Variants in ADGRD1 observed in about 807,000 individuals in gnomAD.
ADGRD1 encodes the protein G-protein coupled receptor 133.
A neutral mutation model predicts 113.4 loss-of-function variants in ADGRD1; 77 were observed. That is an observed-to-expected ratio of 0.68 (90% confidence interval 0.57 to 0.82). The LOEUF (loss-of-function observed/expected upper bound fraction) is 0.82. Ranked by LOEUF, ADGRD1 falls within the 40% of genes least tolerant of loss-of-function variation. The pLI, the probability that ADGRD1 is intolerant of heterozygous loss-of-function variation, is 0.00. For synonymous variants in ADGRD1, 474 were observed against 475.0 expected (o/e 1.00, Z 0.03); for missense variants, 1,036 against 1,139.1 (o/e 0.91, Z 1.30).
intron 11 of ADGRD1, 36 bp from the exon 12 acceptor site, chr12:131,005,936 G>A (rs747175400): frequency 2.6e-6 from 4 of 1,559,252 alleles, no homozygotes; most frequent in Non-Finnish European, 2.6e-6. Flanking sequence ...GTGGCCTGGA[G>A]CGCTGACAGC....
intron 9 of ADGRD1, chr12:131,002,444 A>G (rs66987276): frequency 0.32 from 271,237 of 856,692 alleles, 43,547 homozygotes; most frequent in African/African-American, 0.34. Flanking sequence ...GGCTCTTCTG[A>G]AGTGCGTGTT....
At chr12:131,010,036 T>A (rs1166217927) in intron 12 of ADGRD1, among the ~76,000 whole-genome samples, 1 of 152,222 alleles carries the variant, frequency 6.6e-6, no homozygotes, top group East Asian at 1.9e-4. Flanking sequence ...GCAGTGCTGC[T>A]CGAAACAGAG....
chr12:131,063,107 G>T (rs1258149560), intron 13 of ADGRD1, among the ~76,000 whole-genome samples: 1 of 152,042 alleles, frequency 6.6e-6, no homozygotes, highest in Non-Finnish European at 1.5e-5. Flanking sequence ...TGAATTTTAA[G>T]AATTCTTTCT....
intron 14 of ADGRD1, among the ~76,000 whole-genome samples, chr12:131,081,941 AAT>A (rs1157728166): frequency 6.6e-6 from 1 of 152,210 alleles, no homozygotes; most frequent in African/African-American, 2.4e-5. Flanking sequence ...TTATACAAGT[AAT>A]ATATCAATAT....
At chr12:130,992,420 T>C in intron 8 of ADGRD1, 28 bp downstream of exon 8, 1 of 1,598,572 alleles carries the variant, frequency 6.3e-7, no homozygotes, top group Non-Finnish European at 8.5e-7. Flanking sequence ...CTGTGTCTGG[T>C]GGACCGGGCG....
intron 8 of ADGRD1, chr12:130,994,218 A>G (rs1357781696): frequency 6.7e-6 from 3 of 447,740 alleles, no homozygotes; most frequent in South Asian, 3.2e-5. Flanking sequence ...GTCCTTATGC[A>G]TGTATGCACA....
chr12:131,010,574 A>G (rs574221504), intron 12 of ADGRD1, among the ~76,000 whole-genome samples: 32 of 152,308 alleles, frequency 2.1e-4, no homozygotes, highest in African/African-American at 7.7e-4. Context: ...CTGAAGCCTC[A>G]TGTAACTTTA....
intron 13 of ADGRD1, among the ~76,000 whole-genome samples, chr12:131,032,316 G>A (rs905436836): frequency 9.8e-5 from 15 of 152,292 alleles, no homozygotes; most frequent in African/African-American, 3.6e-4. Context: ...TGTGCCACTC[G>A]CGACCCCGCC....
chr12:131,089,708 G>A (rs1341174744), intron 15 of ADGRD1, among the ~76,000 whole-genome samples: 3 of 152,212 alleles, frequency 2.0e-5, no homozygotes, highest in Non-Finnish European at 2.9e-5. Flanking sequence ...GCCTCATTGG[G>A]GCTTGCATTC....
At chr12:131,137,175 C>T in intron 23 of ADGRD1, 161 bp downstream of exon 23, 1 of 667,676 alleles carries the variant, frequency 1.5e-6, no homozygotes, top group East Asian at 2.6e-5. Flanking sequence ...CTGGGGCCTG[C>T]TGCTGAGCAG....
At chr12:131,123,420 A>T (rs912794819) in intron 20 of ADGRD1, among the ~76,000 whole-genome samples, 2 of 152,098 alleles carry the variant, frequency 1.3e-5, no homozygotes, top group Admixed American at 1.3e-4. Flanking sequence ...AGAATCTTCC[A>T]GGTGACTCTC....
At chr12:130,996,721 A>G (rs1448412698) in intron 8 of ADGRD1, among the ~76,000 whole-genome samples, 2 of 52,870 alleles carry the variant, frequency 3.8e-5, no homozygotes, top group Non-Finnish European at 7.7e-5. Context: ...CCCCCCCACC[A>G]CCCTCCCGGA....
chr12:131,038,729 A>T (rs1881806170), intron 13 of ADGRD1, among the ~76,000 whole-genome samples: 1 of 152,138 alleles, frequency 6.6e-6, no homozygotes, highest in Admixed American at 6.5e-5. Context: ...GGTGAGGGGG[A>T]CGGCAGTGAC....
intron 15 of ADGRD1, among the ~76,000 whole-genome samples, chr12:131,088,744 G>A (rs1886683492): frequency 2.0e-5 from 3 of 152,194 alleles, no homozygotes; most frequent in Admixed American, 2.0e-4. Context: ...GGTGTGGCGG[G>A]GGTGGAGGGG....
rs1240038458 is a variant in ADGRD1, at chr12:131,032,815, C to T, written c.1473+18475C>T. On this transcript the variant is annotated intron_variant, in intron 13 of 24. Coordinates refer to ENST00000261654, the MANE Select transcript of ADGRD1 (RefSeq NM_198827.5). The stretch of plus-strand genomic sequence containing the variant: ...CAGAGGTGACGCTTATTAGAGAAAT[C>T]GCCACCCCGTCACAGAGGTGACGCT... 8.2e-5 allele frequency among the ~76,000 whole-genome samples: 3 copies of T among 36,372 alleles called. 1 individual carries two copies. The highest frequency in any genetic ancestry group is 2.6e-4 in the Admixed American group (1 of 3,836). The allele number at this position is 36,372 out of a possible 152,430, so 23.9% of individuals were successfully genotyped here.
intron 13 of ADGRD1, among the ~76,000 whole-genome samples, chr12:131,031,292 G>A (rs1322891179): frequency 6.6e-6 from 1 of 152,210 alleles, no homozygotes; most frequent in Non-Finnish European, 1.5e-5. Flanking sequence ...CTGCCCTGGT[G>A]CGGCTCAAAC....
intron 8 of ADGRD1, chr12:130,993,916 G>A (rs1217343024): frequency 5.6e-5 from 9 of 159,712 alleles, no homozygotes; most frequent in Non-Finnish European, 1.1e-4. Context: ...ACCCTGGCAC[G>A]TCCAGGAGGG....
intron 13 of ADGRD1, among the ~76,000 whole-genome samples, chr12:131,033,221 C>T (rs7960677): frequency 0.52 from 78,286 of 150,172 alleles, 21,375 homozygotes; most frequent in Non-Finnish European, 0.61. Flanking sequence ...TCCCCTGTAG[C>T]TGTGTCCAGA....
chr12:131,000,449 G>T lies in ADGRD1; in HGVS notation c.1026+7G>T. Reference sequence around the variant, plus strand: ...TTGGATTGCTCTGTCAGAGGTAAGAGAAAAGAACATGGTCGGTCATGGTGG... The same window carrying T: ...TTGGATTGCTCTGTCAGAGGTAAGATAAAAGAACATGGTCGGTCATGGTGG... On this transcript the variant is annotated splice_region_variant and intron_variant, in intron 9 of 24. Coordinates refer to ENST00000261654, the MANE Select transcript of ADGRD1 (RefSeq NM_198827.5). 1 of 1,610,216 alleles carries T rather than the reference G, an allele frequency of 6.2e-7. No individual in the cohort carries two copies. The highest frequency in any genetic ancestry group is 1.3e-5 in the African/African-American group (1 of 74,902).
Sources: gnomAD v4.1 joint callset for allele counts (sites outside exome capture counted in the v4.1 genomes callset) on GRCh38, gnomAD v4.1.1 for gene constraint, MANE v1.5 for transcripts, NCBI Gene and HGNC (gene_info 2026-07-23, HGNC 2026-07-21) for gene names.